Variants in VAV3 observed in about 807,000 individuals in gnomAD.
The protein encoded by VAV3 is guanine nucleotide exchange factor VAV3.
A neutral mutation model predicts 131.2 loss-of-function variants in VAV3; 94 were observed. That is an observed-to-expected ratio of 0.72 (90% CI 0.61 to 0.85). The LOEUF is 0.85. VAV3 is among the 40% of genes least tolerant of loss of function. The pLI, the probability that VAV3 is intolerant of heterozygous loss-of-function variation, is 0.00. For synonymous variants in VAV3, 349 were observed against 342.0 expected, an observed-to-expected ratio of 1.02 and a Z score of -0.22; for missense variants, 939 against 1,002.7, an observed-to-expected ratio of 0.94 and a Z score of 0.86.
intron 2 of VAV3, among the ~76,000 whole-genome samples, chr1:107,858,700 C>T (rs1178805179): frequency 2.6e-5 from 4 of 152,158 alleles, no homozygotes; most frequent in Non-Finnish European, 4.4e-5. Context: ...CCCCAGTACT[C>T]GGTCCATGGA....
intron 12 of VAV3, among the ~76,000 whole-genome samples, chr1:107,753,438 T>C (rs1408555849): frequency 6.7e-6 from 1 of 150,210 alleles, no homozygotes; most frequent in Non-Finnish European, 1.5e-5. Context: ...AAATTAATGC[T>C]ATATATATTT....
At chr1:107,806,216 G>A (rs576834029) in intron 2 of VAV3, among the ~76,000 whole-genome samples, 1 of 152,246 alleles carries the variant, frequency 6.6e-6, no homozygotes, top group South Asian at 2.1e-4. Context: ...AAGACAATGG[G>A]GAAGATGGCT....
At chr1:107,663,261 C>T (rs1657161366) in intron 19 of VAV3, among the ~76,000 whole-genome samples, 1 of 152,120 alleles carries the variant, frequency 6.6e-6, no homozygotes, top group Non-Finnish European at 1.5e-5. Flanking sequence ...CAGACTTCTA[C>T]ACTGTTTTAC....
In VAV3 at chr1:107,908,471, T is replaced by C. The variant is rs540099916; in HGVS notation, c.205-33454A>G. On this transcript the variant is annotated intron_variant, in intron 1 of 26. Coordinates refer to ENST00000370056, the MANE Select transcript of VAV3 (RefSeq NM_006113.5). The stretch of plus-strand genomic sequence containing the variant: ...TGTAGCAATTTATCTTTTCCTGTTT[T>C]AGCTTAAAAAAGAAATGATCTCTAG... Among the ~76,000 whole-genome samples, 4 of 152,338 alleles carry C rather than the reference T, an allele frequency of 2.6e-5. No individual in the cohort carries two copies. The South Asian group carries it at 8.3e-4, about 32-fold the overall frequency.
rs569426492 is a variant in VAV3, at chr1:107,824,940, A to C, written c.322-45448T>G. 5.3e-4 allele frequency among the ~76,000 whole-genome samples: 81 copies of C among 152,184 alleles called. 1 individual carries two copies. The highest frequency in any genetic ancestry group is 1.9e-3 in the African/African-American group (79 of 41,570). ...CCCACAGATGCTGAAGAAGGTAAGAAATCTAGGGTCCCATTATTCGAAATG... is the reference window on the plus strand; with the variant it reads ...CCCACAGATGCTGAAGAAGGTAAGACATCTAGGGTCCCATTATTCGAAATG... On this transcript the variant is annotated intron_variant, in intron 2 of 26. Transcript: ENST00000370056.
At chr1:107,790,226 C>A (rs1007966420) in intron 2 of VAV3, among the ~76,000 whole-genome samples, 8 of 152,348 alleles carry the variant, frequency 5.3e-5, no homozygotes, top group Middle Eastern at 3.4e-3. Flanking sequence ...TCCTTCCACA[C>A]AGGCCTTATG....
rs1042218790 is a variant in VAV3, at chr1:107,964,968, A to G, written c.-99T>C. ...TCCTCCGCGCCCCGCCGACGCCAAC[A>G]GCCGCCGGCCCTTTCCCCGCGCGGG... On this transcript the variant is annotated 5_prime_UTR_variant, in exon 1 of 27. Transcript: ENST00000370056. 2 of 1,033,744 alleles carry G rather than the reference A, an allele frequency of 1.9e-6. No homozygotes were observed. The highest frequency in any genetic ancestry group is 3.4e-5 in the African/African-American group (2 of 58,542). The allele number at this position is 1,033,744 out of a possible 1,614,324, so 64.0% of individuals were successfully genotyped here.
rs182342247 is a variant in VAV3, at chr1:107,619,544, T to C, written c.1915-1912A>G. Among the ~76,000 whole-genome samples the C allele has an allele frequency of 1.6e-4, 25 of 152,256 alleles. No homozygotes were observed. In the East Asian group the frequency reaches 4.6e-3, roughly 28 times the overall value. On this transcript the variant is annotated intron_variant, in intron 20 of 26. Transcript: ENST00000370056. ...CCTGAGTGCAAAATATAAAGGAGTGTGGTAGGAACCATACACTGATTAAGC... is the reference window on the plus strand; with the variant it reads ...CCTGAGTGCAAAATATAAAGGAGTGCGGTAGGAACCATACACTGATTAAGC...
At chr1:107,820,972 C>T (rs889240849) in intron 2 of VAV3, 5 of 152,064 alleles carry the variant, frequency 3.3e-5, no homozygotes, top group African/African-American at 1.2e-4. Context: ...AGGCAGCTGA[C>T]AGTATAAATC....
intron 2 of VAV3, among the ~76,000 whole-genome samples, chr1:107,802,203 G>A (rs542662025): frequency 1.3e-5 from 2 of 151,928 alleles, no homozygotes; most frequent in South Asian, 2.1e-4. Context: ...TGTTGGTTTT[G>A]TATGCTGCAA....
At chr1:107,822,423 G>A (rs765457738) in intron 2 of VAV3, among the ~76,000 whole-genome samples, 12 of 152,120 alleles carry the variant, frequency 7.9e-5, no homozygotes, top group Non-Finnish European at 1.8e-4. Flanking sequence ...GGGAGGCCAA[G>A]GCAGGCGGAT....
intron 4 of VAV3, 54 bp downstream of exon 4, chr1:107,777,177 C>T: frequency 6.7e-7 from 1 of 1,502,168 alleles, no homozygotes; most frequent in East Asian, 2.3e-5. Flanking sequence ...TTAAAACCCA[C>T]AATGGACACA....
chr1:107,806,578 A>G (rs1359945416), intron 2 of VAV3, among the ~76,000 whole-genome samples: 3 of 152,046 alleles, frequency 2.0e-5, no homozygotes, highest in African/African-American at 4.8e-5. Context: ...ATTTGGTACA[A>G]TTTTTCTTGC....
intron 24 of VAV3, among the ~76,000 whole-genome samples, chr1:107,599,225 C>T (rs1002306016): frequency 2.0e-5 from 3 of 152,110 alleles, no homozygotes. Context: ...TACAGTCTTA[C>T]GAGGGTAAAT....
chr1:107,885,604 A>G (rs1670997135), intron 1 of VAV3, among the ~76,000 whole-genome samples: 1 of 152,086 alleles, frequency 6.6e-6, no homozygotes, highest in Admixed American at 6.5e-5. Flanking sequence ...CTGCCTACCC[A>G]CCTCTTCAAG....
rs1670458240 is a variant in VAV3, at chr1:107,875,588, G to A, written c.205-571C>T. Among the ~76,000 whole-genome samples the A allele has an allele frequency of 1.3e-5, 2 of 152,150 alleles. 1 individual carries two copies. Among genetic ancestry groups the A allele is most frequent in the Admixed American group, 1.3e-4 (2 of 15,262 alleles). On this transcript the variant is annotated intron_variant, in intron 1 of 26. Coordinates refer to ENST00000370056, the MANE Select transcript of VAV3 (RefSeq NM_006113.5). ...GCAGCAAGGCAGAGTGAGTAATGGG[G>A]GGAAAAGGAGGAAAGATGGAAAGCT...
At chr1:107,961,667 G>T (rs572403668) in intron 1 of VAV3, among the ~76,000 whole-genome samples, 1 of 152,204 alleles carries the variant, frequency 6.6e-6, no homozygotes, top group Non-Finnish European at 1.5e-5. Flanking sequence ...AAATCAGCAT[G>T]AAAAAATATA....
chr1:107,658,257 G>A (rs1230771968), intron 19 of VAV3, among the ~76,000 whole-genome samples: 2 of 152,182 alleles, frequency 1.3e-5, no homozygotes, highest in East Asian at 3.8e-4. Context: ...CTTCATCCAT[G>A]TCCCTACAAA....
At chr1:107,838,922 GAAC>G (rs1329395998) in intron 2 of VAV3, among the ~76,000 whole-genome samples, 1 of 152,062 alleles carries the variant, frequency 6.6e-6, no homozygotes. Flanking sequence ...ATAAAGATGG[GAAC>G]AATAGGCACT....
Sources: allele counts gnomAD v4.1 joint callset (sites outside exome capture counted in the v4.1 genomes callset), GRCh38; gene constraint gnomAD v4.1.1; transcripts MANE v1.5; gene names NCBI Gene and HGNC (gene_info 2026-07-23, HGNC 2026-07-21).